CPEB3: variants seen among roughly 807,000 people sequenced by gnomAD.
CPEB3 encodes cytoplasmic polyadenylation element-binding protein 3.
In CPEB3, 20 loss-of-function variants were observed where a neutral mutation model predicts 67.2. That is an observed-to-expected ratio of 0.30 (90% CI 0.21 to 0.43). CPEB3 has a LOEUF of 0.43. Ranked by LOEUF, CPEB3 falls within the 20% of genes least tolerant of loss-of-function variation. The pLI is 1.00. For synonymous variants in CPEB3, 376 were observed against 393.1 expected (o/e 0.96, Z 0.51); for missense variants, 746 against 968.6 (o/e 0.77, Z 3.05).
chr10:92,118,707 T>G (rs1277162182), intron 6 of CPEB3: 6 of 722,664 alleles, frequency 8.3e-6, no homozygotes, highest in African/African-American at 1.7e-5. Flanking sequence ...CGAGCCCACT[T>G]TAGCCCTCAG....
At chr10:92,130,067 C>T (rs943596729) in intron 6 of CPEB3, among the ~76,000 whole-genome samples, 1 of 151,654 alleles carries the variant, frequency 6.6e-6, no homozygotes, top group African/African-American at 2.4e-5. Context: ...AAATTACAGC[C>T]ACACTTCCTT....
At chr10:92,194,355 C>T (rs1486684298) in intron 2 of CPEB3, among the ~76,000 whole-genome samples, 1 of 151,848 alleles carries the variant, frequency 6.6e-6, no homozygotes, top group African/African-American at 2.4e-5. Flanking sequence ...CAGCGAATTG[C>T]TTGGACCCGG....
rs181662626 is a variant in CPEB3 at position 92,254,038 on chromosome 10, A to C, written c.-11-13677T>G. Among the ~76,000 whole-genome samples the C allele has an allele frequency of 3.1e-3, 479 of 152,166 alleles. 1 individual carries two copies. The Middle Eastern group carries it at 0.048, about 15-fold the overall frequency. Reference sequence around the variant, plus strand: ...GAGCCCAAGAGTTTGAGACCACCTTAGGCAATATAGTGAGACCTTATCTCT... The same window carrying C: ...GAGCCCAAGAGTTTGAGACCACCTTCGGCAATATAGTGAGACCTTATCTCT... On this transcript the variant is annotated intron_variant, in intron 1 of 9. Transcript: ENST00000265997.
chr10:92,239,943 G>A lies in CPEB3; in HGVS notation c.408C>T (p.Phe136=). The change falls in exon 2 of 10, where the codon TTC becomes TTT. Residue 136 remains phenylalanine, a synonymous_variant. Coordinates refer to ENST00000265997, the MANE Select transcript of CPEB3 (RefSeq NM_014912.5). This position sits in a 1 kb window ranked among gnomAD's most constrained non-coding sequence, Gnocchi z 6.0. ...GGTTGACATGGTGCGGGAAGTTCTG[G>A]AAGAGCATGGTCCCGTTGACTGGGG... ...GITPVNGTML[F]QNFPHHVNPV... is the part of the protein sequence containing the mutation. 3 of 1,613,566 alleles carry A rather than the reference G, an allele frequency of 1.9e-6. No homozygotes were observed. The highest frequency in any genetic ancestry group is 2.5e-6 in the Non-Finnish European group (3 of 1,179,712).
At chr10:92,175,342 AG>A (rs1848177273) in intron 4 of CPEB3, among the ~76,000 whole-genome samples, 1 of 151,946 alleles carries the variant, frequency 6.6e-6, no homozygotes, top group South Asian at 2.1e-4. Context: ...TTTGCCGAGT[AG>A]TATTCCATTG....
intron 9 of CPEB3, among the ~76,000 whole-genome samples, chr10:92,077,794 A>G (rs1842991380): frequency 8.3e-6 from 1 of 120,916 alleles, no homozygotes; most frequent in African/African-American, 3.2e-5. Context: ...AGGGGAGAGG[A>G]GGGGAAGAAA....
At chr10:92,212,034 TTTTTTA>T (rs1485285695) in intron 2 of CPEB3, among the ~76,000 whole-genome samples, 2 of 149,310 alleles carry the variant, frequency 1.3e-5, no homozygotes, top group Admixed American at 6.7e-5. Context: ...TCCTGGTTAA[TTTTTTA>T]TTTTTATTTT....
chr10:92,092,984 C>A (rs1017947967), intron 7 of CPEB3, among the ~76,000 whole-genome samples: 5 of 151,968 alleles, frequency 3.3e-5, no homozygotes, highest in Non-Finnish European at 7.4e-5. Context: ...TTATCACAAG[C>A]AAAAAATAAG....
chr10:92,053,356 C>T (rs149597861), intron 9 of CPEB3, among the ~76,000 whole-genome samples: 294 of 137,520 alleles, frequency 2.1e-3, no homozygotes, highest in African/African-American at 6.5e-3. Flanking sequence ...TTAACTTTAT[C>T]ATTTTTTTTT....
rs1052113113 is a variant in CPEB3 at position 92,223,884 on chromosome 10, G to T, written c.1005+15462C>A. On this transcript the variant is annotated intron_variant, in intron 2 of 9. Coordinates refer to ENST00000265997, the MANE Select transcript of CPEB3 (RefSeq NM_014912.5). ...CTGCCTCAGCCTCCTGAGTAGCTGG[G>T]ATTACAGGCGCCTGCCACCACACCC... Among the ~76,000 whole-genome samples the T allele has an allele frequency of 6.6e-5, 10 of 152,128 alleles. No individual in the cohort carries two copies. In the East Asian group the frequency reaches 1.9e-3, roughly 29 times the overall value.
intron 1 of CPEB3, among the ~76,000 whole-genome samples, chr10:92,263,144 C>T (rs908285094): frequency 6.6e-6 from 1 of 152,154 alleles, no homozygotes; most frequent in Admixed American, 6.5e-5. Context: ...GGCTGGATCT[C>T]GGCTCACTGC....
At chr10:92,236,285 C>A (rs559209604) in intron 2 of CPEB3, among the ~76,000 whole-genome samples, 1 of 152,298 alleles carries the variant, frequency 6.6e-6, no homozygotes, top group African/African-American at 2.4e-5. Context: ...AACTGTAGGA[C>A]CTGAGTTCAG....
At chr10:92,164,243 A>G (rs1416759904) in intron 4 of CPEB3, among the ~76,000 whole-genome samples, 1 of 152,238 alleles carries the variant, frequency 6.6e-6, no homozygotes, top group Non-Finnish European at 1.5e-5. Flanking sequence ...TTATACAGCT[A>G]CTAAGCAGCA....
chr10:92,127,318 GA>G (rs912705121), intron 6 of CPEB3, among the ~76,000 whole-genome samples: 2 of 152,200 alleles, frequency 1.3e-5, no homozygotes, highest in Middle Eastern at 3.4e-3. Context: ...GAGGAATACA[GA>G]AAAAGAGGAT....
At chr10:92,108,197 C>T (rs1203220452) in intron 7 of CPEB3, among the ~76,000 whole-genome samples, 2 of 152,062 alleles carry the variant, frequency 1.3e-5, no homozygotes, top group East Asian at 3.8e-4. Flanking sequence ...AACAAGGGCA[C>T]TGGGATCCTG....
intron 1 of CPEB3, among the ~76,000 whole-genome samples, chr10:92,287,528 T>C (rs1842587580): frequency 6.6e-6 from 1 of 152,232 alleles, no homozygotes; most frequent in South Asian, 2.1e-4. Flanking sequence ...TTCTGAGTTT[T>C]ATCAATCACT....
intron 9 of CPEB3, among the ~76,000 whole-genome samples, chr10:92,058,377 C>A (rs1423967731): frequency 5.9e-5 from 9 of 151,962 alleles, no homozygotes; most frequent in Non-Finnish European, 1.2e-4. Context: ...AAAACCCTGT[C>A]TCTACTAAAA....
intron 4 of CPEB3, among the ~76,000 whole-genome samples, chr10:92,178,529 A>T (rs896413298): frequency 6.6e-6 from 1 of 152,120 alleles, no homozygotes; most frequent in Non-Finnish European, 1.5e-5. Flanking sequence ...AAAAAGTGTT[A>T]GGGCAACAAA....
intron 6 of CPEB3, among the ~76,000 whole-genome samples, chr10:92,132,954 G>C (rs1406020944): frequency 6.6e-6 from 1 of 152,122 alleles, no homozygotes; most frequent in African/African-American, 2.4e-5. Flanking sequence ...AAATAAAGAC[G>C]TTCTTTGAAA....
Sources: allele counts gnomAD v4.1 joint callset (sites outside exome capture counted in the v4.1 genomes callset), GRCh38; gene constraint gnomAD v4.1.1; non-coding constraint Gnocchi (gnomAD v3.1); transcripts MANE v1.5; gene names NCBI Gene and HGNC (gene_info 2026-07-23, HGNC 2026-07-21).